The following ERBB4 variants were observed in gnomAD, a reference collection of about 807,000 sequenced individuals.
ERBB4 encodes the protein receptor tyrosine-protein kinase erbB-4.
A neutral mutation model predicts 158.0 loss-of-function variants in ERBB4; 42 were observed. The observed-to-expected ratio is 0.27, with a 90% CI of 0.21 to 0.34. The LOEUF (loss-of-function observed/expected upper bound fraction) is 0.34. Among genes scored for constraint, ERBB4 ranks in the 10% least tolerant of loss-of-function variants. The probability of loss-of-function intolerance (pLI) is 1.00; values close to 1 mark genes in which losing one functional copy is unlikely to be tolerated. For synonymous variants in ERBB4, 583 were observed against 558.7 expected (o/e 1.04, Z -0.61); for missense variants, 1,333 against 1,624.1 (o/e 0.82, Z 3.08).
At chr2:211,471,286 G>C (rs1336815597) in intron 20 of ERBB4, among the ~76,000 whole-genome samples, 2 of 152,110 alleles carry the variant, frequency 1.3e-5, no homozygotes, top group Admixed American at 6.6e-5. Context: ...ACCTGGATCA[G>C]AGAAACCATG....
chr2:212,175,739 C>T (rs548539867), intron 1 of ERBB4, among the ~76,000 whole-genome samples: 2 of 151,692 alleles, frequency 1.3e-5, no homozygotes, highest in South Asian at 2.1e-4. Context: ...TCTCCAAGTA[C>T]ATCATAGAAT....
In ERBB4 at chr2:211,377,045, C is replaced by G. The variant is rs2062486992; in HGVS notation, c.*6570G>C. On this transcript the variant is annotated 3_prime_UTR_variant, in exon 28 of 28. Transcript: ENST00000342788. ...TTACATATCTACATTTAGAAAATAA[C>G]TTTCGTAGTTGATTACTGGAGTAAT... 2 of 232,882 alleles carry G rather than the reference C, an allele frequency of 8.6e-6. No individual in the cohort carries two copies. Among genetic ancestry groups the G allele is most frequent in the Admixed American group, 5.6e-5 (1 of 17,716 alleles). The allele number at this position is 232,882 out of a possible 1,614,324, so 14.4% of individuals were successfully genotyped here. A position where few individuals can be genotyped will look rare whatever the true frequency, so the allele number is the denominator to read the frequency against.
chr2:212,409,715 A>T (rs2091444426), intron 1 of ERBB4, among the ~76,000 whole-genome samples: 1 of 152,100 alleles, frequency 6.6e-6, no homozygotes, highest in Non-Finnish European at 1.5e-5. Context: ...TTGCAGAATG[A>T]GTTGTTGTCT....
intron 1 of ERBB4, among the ~76,000 whole-genome samples, chr2:212,148,089 C>T (rs1199508585): frequency 6.7e-6 from 1 of 150,170 alleles, no homozygotes; most frequent in African/African-American, 2.4e-5. Context: ...TTTAAAGGTT[C>T]TATTTTATTA....
rs1574497463 is a variant in ERBB4 at position 211,380,841 on chromosome 2, A to G, written c.*2774T>C. The stretch of plus-strand genomic sequence containing the variant: ...GACATTCACTAAATACATTTCTGTT[A>G]CCTTAACAGTTAAAAGTTTGTTTTA... On this transcript the variant is annotated 3_prime_UTR_variant, in exon 28 of 28. Transcript: ENST00000342788. 3 of 231,970 alleles carry G rather than the reference A, an allele frequency of 1.3e-5. 1 individual carries two copies. In the East Asian group the frequency reaches 1.8e-4, roughly 14 times the overall value. The allele number at this position is 231,970 out of a possible 1,614,324, so 14.4% of individuals were successfully genotyped here.
At chr2:212,441,294 T>C (rs1013201906) in intron 1 of ERBB4, among the ~76,000 whole-genome samples, 4 of 152,196 alleles carry the variant, frequency 2.6e-5, no homozygotes, top group Non-Finnish European at 4.4e-5. Context: ...TCTGAGGAGA[T>C]AAACCCTGTG....
At chr2:212,048,938 G>A (rs901511489) in intron 2 of ERBB4, among the ~76,000 whole-genome samples, 1 of 152,202 alleles carries the variant, frequency 6.6e-6, no homozygotes, top group Non-Finnish European at 1.5e-5. Flanking sequence ...TCATCAACCA[G>A]TTGGGTTGGA....
chr2:212,324,681 T>C (rs1325014895), intron 1 of ERBB4, among the ~76,000 whole-genome samples: 1 of 150,462 alleles, frequency 6.6e-6, no homozygotes, highest in Non-Finnish European at 1.5e-5. Flanking sequence ...TCTAATTCTT[T>C]CTTCTTATGA....
At chr2:212,030,875 G>A (rs1258750260) in intron 2 of ERBB4, among the ~76,000 whole-genome samples, 1 of 152,024 alleles carries the variant, frequency 6.6e-6, no homozygotes, top group Non-Finnish European at 1.5e-5. Context: ...AGCCGTCATG[G>A]TATTGTAAAT....
intron 1 of ERBB4, among the ~76,000 whole-genome samples, chr2:212,265,622 C>G (rs2085106573): frequency 6.6e-6 from 1 of 151,858 alleles, no homozygotes; most frequent in South Asian, 2.1e-4. Context: ...TTCCACTCAG[C>G]ATAAAAAATT....
At chr2:212,478,032 T>C (rs767551228) in intron 1 of ERBB4, among the ~76,000 whole-genome samples, 6 of 152,154 alleles carry the variant, frequency 3.9e-5, no homozygotes, top group Admixed American at 1.3e-4. Context: ...TAGAAAGCTT[T>C]GACCATGGCC....
chr2:211,692,100 A>C (rs1368491826), intron 12 of ERBB4, among the ~76,000 whole-genome samples: 1 of 152,208 alleles, frequency 6.6e-6, no homozygotes, highest in East Asian at 1.9e-4. Flanking sequence ...AAATAGCGTC[A>C]ATCTGTACTG....
intron 2 of ERBB4, among the ~76,000 whole-genome samples, chr2:212,055,015 G>C (rs148231924): frequency 4.8e-4 from 73 of 152,256 alleles, no homozygotes; most frequent in Non-Finnish European, 7.9e-4. Context: ...CTCCTCACCC[G>C]GGAAGCATAA....
chr2:212,508,947 G>C lies in ERBB4; in HGVS notation c.82+29502C>G, dbSNP rs958749863. On this transcript the variant is annotated intron_variant, in intron 1 of 27. Coordinates refer to ENST00000342788, the MANE Select transcript of ERBB4 (RefSeq NM_005235.3). ...ACTTTCATGTCTGCCAAAAACCTCT[G>C]AAAAACTGTAAGGCTTTGAATTAAT... Among the ~76,000 whole-genome samples, 5 of 152,136 alleles carry C rather than the reference G, an allele frequency of 3.3e-5. No homozygotes were observed. The East Asian group carries it at 9.6e-4, about 29-fold the overall frequency.
At chr2:212,449,328 C>T (rs996053116) in intron 1 of ERBB4, among the ~76,000 whole-genome samples, 1 of 152,078 alleles carries the variant, frequency 6.6e-6, no homozygotes, top group African/African-American at 2.4e-5. Flanking sequence ...CAGCAGACTT[C>T]TGAAATTTTA....
At chr2:211,869,957 C>T (rs2078300917) in intron 3 of ERBB4, among the ~76,000 whole-genome samples, 1 of 152,090 alleles carries the variant, frequency 6.6e-6, no homozygotes, top group Non-Finnish European at 1.5e-5. Flanking sequence ...TTGAGAGCTG[C>T]TAAAAGTCCT....
At chr2:212,176,806 T>C (rs1348120051) in intron 1 of ERBB4, among the ~76,000 whole-genome samples, 1 of 151,988 alleles carries the variant, frequency 6.6e-6, no homozygotes, top group Non-Finnish European at 1.5e-5. Context: ...CGTGTATGTA[T>C]ACTTCGACCA....
intron 1 of ERBB4, among the ~76,000 whole-genome samples, chr2:212,194,648 A>G (rs1377138947): frequency 2.6e-5 from 4 of 152,048 alleles, no homozygotes; most frequent in Non-Finnish European, 5.9e-5. Flanking sequence ...TCTAATTGTT[A>G]AATGTGGCTG....
chr2:212,039,043 C>T (rs1287435797), intron 2 of ERBB4, among the ~76,000 whole-genome samples: 5 of 152,022 alleles, frequency 3.3e-5, no homozygotes, highest in African/African-American at 1.2e-4. Flanking sequence ...CATTCTTAAC[C>T]TTGATTCTAT....
Sources: allele counts gnomAD v4.1 joint callset (sites outside exome capture counted in the v4.1 genomes callset), GRCh38; gene constraint gnomAD v4.1.1; transcripts MANE v1.5; gene names NCBI Gene and HGNC (gene_info 2026-07-23, HGNC 2026-07-21).